The following EFR3B variants were observed in gnomAD, a reference collection of about 807,000 sequenced individuals.
EFR3B encodes the protein protein EFR3 homolog B.
Under a neutral mutation model 104.7 loss-of-function variants are expected in EFR3B, and 64 were observed. That is an observed-to-expected ratio of 0.61 (90% CI 0.50 to 0.75). The LOEUF (loss-of-function observed/expected upper bound fraction) is 0.75. Among genes scored for constraint, EFR3B ranks in the 30% least tolerant of loss-of-function variants. The pLI, the probability that EFR3B is intolerant of heterozygous loss-of-function variation, is 0.00. For synonymous variants in EFR3B, 385 were observed against 417.9 expected (o/e 0.92, Z 0.96); for missense variants, 750 against 1,078.5 (o/e 0.70, Z 4.27).
intron 11 of EFR3B, 134 bp from the exon 12 acceptor site, chr2:25,133,249 C>G: frequency 9.6e-7 from 1 of 1,041,744 alleles, no homozygotes; most frequent in Non-Finnish European, 1.4e-6. Flanking sequence ...CTTCCTGGGT[C>G]CGGAAGTCAC....
At position 25,153,447 on chromosome 2, in the gene EFR3B, C is replaced by G. The variant is rs569019179; in HGVS notation, c.2299-265C>G. Among the ~76,000 whole-genome samples the G allele has an allele frequency of 3.3e-5, 5 of 152,324 alleles. No individual in the cohort carries two copies. The South Asian group carries it at 1.0e-3, about 32-fold the overall frequency. ...ACTGCCCCATCTTAAGGAAAAGGAC[C>G]TTCCAGAACTGCCTGCTGACGTCCT... On this transcript the variant is annotated intron_variant, in intron 21 of 22. Transcript: ENST00000403714.
intron 1 of EFR3B, among the ~76,000 whole-genome samples, chr2:25,057,324 G>A (rs770836432): frequency 1.2e-4 from 18 of 152,130 alleles, no homozygotes; most frequent in African/African-American, 2.4e-4. Context: ...TCTGCATGCT[G>A]GGTATGCCTT....
chr2:25,061,651 G>T (rs568274780), intron 1 of EFR3B, among the ~76,000 whole-genome samples: 1 of 151,148 alleles, frequency 6.6e-6, no homozygotes, highest in Non-Finnish European at 1.5e-5. Flanking sequence ...GCGCCACCAC[G>T]CCCGGCTATT....
chr2:25,127,191 CAAAAAAAAAAAAA>C (rs57818903), intron 5 of EFR3B, among the ~76,000 whole-genome samples: 5 of 51,736 alleles, frequency 9.7e-5, no homozygotes, highest in Non-Finnish European at 1.4e-4. Flanking sequence ...GACTCCACCT[CAAAAAAAAAAAAA>C]AAAAAAAAAA....
chr2:25,152,803 T>G (rs187791148), intron 21 of EFR3B, among the ~76,000 whole-genome samples: 6 of 128,224 alleles, frequency 4.7e-5, no homozygotes, highest in African/African-American at 1.8e-4. Context: ...ATATATAATA[T>G]TCATATAGAA....
intron 1 of EFR3B, among the ~76,000 whole-genome samples, chr2:25,056,033 A>G (rs1363579526): frequency 6.6e-6 from 1 of 152,214 alleles, no homozygotes; most frequent in Admixed American, 6.5e-5. Flanking sequence ...ATAATGATAC[A>G]TATCATCCAT....
intron 1 of EFR3B, among the ~76,000 whole-genome samples, chr2:25,065,772 T>G (rs1394453192): frequency 6.6e-6 from 1 of 152,134 alleles, no homozygotes; most frequent in Non-Finnish European, 1.5e-5. Flanking sequence ...GGGGTCCTTG[T>G]CTCCTTTTGT....
At position 25,134,266 on chromosome 2, in the gene EFR3B, G is replaced by A. The variant is rs563810614; in HGVS notation, c.1311+832G>A. On this transcript the variant is annotated intron_variant, in intron 12 of 22. Coordinates refer to ENST00000403714, the MANE Select transcript of EFR3B (RefSeq NM_014971.2). ...GCGATCTTGGCTCACTGCAACCTTC[G>A]CCTCCCAGGTTCAAGTGATTCTTGA... Among the ~76,000 whole-genome samples, 24 of 150,256 alleles carry A rather than the reference G, an allele frequency of 1.6e-4. No individual in the cohort carries two copies. In the South Asian group the frequency reaches 4.8e-3, roughly 30 times the overall value.
chr2:25,129,459 T>G (rs919226663), intron 6 of EFR3B, among the ~76,000 whole-genome samples: 7 of 94,772 alleles, frequency 7.4e-5, no homozygotes, highest in Non-Finnish European at 1.1e-4. Context: ...CTGGGAGTCC[T>G]CCGGCTCCTG....
In EFR3B at chr2:25,137,232, G is replaced by A. The variant is rs757031686; in HGVS notation, c.1561-109G>A. ...GGCATCCCCTCCCCAAGGGAGGAGG[G>A]GGCACACAGCCATCCTGCCCCCCTT... On this transcript the variant is annotated intron_variant, in intron 14 of 22. Coordinates refer to ENST00000403714, the MANE Select transcript of EFR3B (RefSeq NM_014971.2). This position sits in a 1 kb window ranked among gnomAD's most constrained non-coding sequence, Gnocchi z 4.7. 26 of 1,288,394 alleles carry A rather than the reference G, an allele frequency of 2.0e-5. No homozygotes were observed. The highest frequency in any genetic ancestry group is 2.8e-5 in the Non-Finnish European group (26 of 936,264). The allele number at this position is 1,288,394 out of a possible 1,614,324, so 79.8% of individuals were successfully genotyped here.
At position 25,136,573 on chromosome 2, in the gene EFR3B, G is replaced by A. The variant is rs1293151236; in HGVS notation, c.1535G>A (p.Arg512Gln). The change falls in exon 14 of 23, where the codon CGA becomes CAA. Residue 512 changes from arginine to glutamine, a missense_variant. Transcript: ENST00000403714. The surrounding 1 kb of genome is among the most constrained non-coding windows in gnomAD (Gnocchi z 4.0). ...VLKLKVDKCS[R>Q]QDTVFMKKHS... ...AAGCTGAAAGTGGACAAGTGCTCTC[G>A]ACAGGACACCGTCTTCATGAAGAAG... 4 of 1,551,408 alleles carry A rather than the reference G, an allele frequency of 2.6e-6. No individual in the cohort carries two copies. Among genetic ancestry groups the A allele is most frequent in the South Asian group, 1.2e-5 (1 of 84,042 alleles).
At chr2:25,050,950 A>G (rs1485201368) in intron 1 of EFR3B, among the ~76,000 whole-genome samples, 1 of 152,168 alleles carries the variant, frequency 6.6e-6, no homozygotes, top group Non-Finnish European at 1.5e-5. Context: ...TCTGCTCTTT[A>G]TCTGTTTGCA....
At chr2:25,045,912 A>G (rs1376923874) in intron 1 of EFR3B, among the ~76,000 whole-genome samples, 2 of 152,148 alleles carry the variant, frequency 1.3e-5, no homozygotes, top group Non-Finnish European at 2.9e-5. Context: ...GCAGCCAGCT[A>G]GGAGGGACGT....
chr2:25,119,063 T>C (rs1352837554), intron 4 of EFR3B, among the ~76,000 whole-genome samples: 6 of 152,322 alleles, frequency 3.9e-5, no homozygotes, highest in African/African-American at 1.4e-4. Context: ...CTCTTTATTA[T>C]TGGCCTCTTT....
At position 25,158,219 on chromosome 2, in the gene EFR3B, T is replaced by C. The variant is rs1671227535; in HGVS notation, c.*3879T>C. The C allele has an allele frequency of 6.6e-6, 1 of 152,328 alleles. No homozygotes were observed. Among genetic ancestry groups the C allele is most frequent in the South Asian group, 2.1e-4 (1 of 4,826 alleles). 9.4% of individuals were successfully genotyped at this position (152,328 alleles called of 1,614,324 possible). ...AGAGAGTGCCCTGCAGAAGTGAGTC[T>C]ATTTTTCCCAATTCCTCTTCATGAC... On this transcript the variant is annotated 3_prime_UTR_variant, in exon 23 of 23. Transcript: ENST00000403714.
intron 1 of EFR3B, among the ~76,000 whole-genome samples, chr2:25,078,979 A>G (rs1273074836): frequency 1.3e-5 from 2 of 151,882 alleles, no homozygotes; most frequent in Middle Eastern, 3.4e-3. Flanking sequence ...TCTGCTTCCG[A>G]CCTCCCAACC....
At chr2:25,134,613 C>A (rs1014346681) in intron 12 of EFR3B, among the ~76,000 whole-genome samples, 1 of 152,098 alleles carries the variant, frequency 6.6e-6, no homozygotes, top group East Asian at 1.9e-4. Flanking sequence ...AAACAGAACT[C>A]CCCCGACCCC....
chr2:25,150,831 G>A (rs55869965), intron 20 of EFR3B, among the ~76,000 whole-genome samples: 5 of 151,834 alleles, frequency 3.3e-5, no homozygotes, highest in African/African-American at 4.8e-5. Flanking sequence ...GGCTGGTCTC[G>A]AACTCCTGAC....
chr2:25,054,395 C>T (rs908288847), intron 1 of EFR3B, among the ~76,000 whole-genome samples: 4 of 151,916 alleles, frequency 2.6e-5, no homozygotes, highest in Non-Finnish European at 4.4e-5. Flanking sequence ...GATCTCACCT[C>T]ACTGCAACTT....
Sources: allele counts gnomAD v4.1 joint callset (sites outside exome capture counted in the v4.1 genomes callset), GRCh38; gene constraint gnomAD v4.1.1; non-coding constraint Gnocchi (gnomAD v3.1); transcripts MANE v1.5; gene names NCBI Gene and HGNC (gene_info 2026-07-23, HGNC 2026-07-21).